The following NXPH1 variants were observed in gnomAD, a reference collection of about 807,000 sequenced individuals.
NXPH1 encodes neurexophilin 1, also known as neurexophilin-1.
Under a neutral mutation model 23.7 loss-of-function variants are expected in NXPH1, and 5 were observed. That is an observed-to-expected ratio of 0.21 (90% CI 0.11 to 0.44). NXPH1 has a LOEUF of 0.44. NXPH1 is among the 20% of genes least tolerant of loss of function. NXPH1 has a pLI of 0.99. For missense variants in NXPH1, 324 were observed against 321.6 expected (o/e 1.01, Z -0.06); for synonymous variants, 144 against 122.2 (o/e 1.18, Z -1.18).
At chr7:8,657,023 G>A (rs1420433977) in intron 2 of NXPH1, among the ~76,000 whole-genome samples, 2 of 152,120 alleles carry the variant, frequency 1.3e-5, no homozygotes, top group Non-Finnish European at 2.9e-5. Context: ...CACAGCTGGT[G>A]GATCTTTGAT....
intron 2 of NXPH1, among the ~76,000 whole-genome samples, chr7:8,574,701 A>G (rs1264039717): frequency 2.0e-5 from 3 of 152,138 alleles, no homozygotes; most frequent in Non-Finnish European, 4.4e-5. Flanking sequence ...CTGTGTTTCA[A>G]ATTCAACTTG....
intron 2 of NXPH1, among the ~76,000 whole-genome samples, chr7:8,645,289 A>C (rs746564673): frequency 6.6e-6 from 1 of 152,104 alleles, no homozygotes; most frequent in Non-Finnish European, 1.5e-5. Context: ...CACAAGTTCT[A>C]TGTCAAAGTT....
intron 2 of NXPH1, among the ~76,000 whole-genome samples, chr7:8,448,293 A>G (rs932676834): frequency 3.3e-5 from 5 of 152,242 alleles, no homozygotes; most frequent in Admixed American, 3.3e-4. Context: ...ATGAACTAAC[A>G]AAGAAAAAAG....
chr7:8,445,734 G>A (rs556964151), intron 2 of NXPH1, among the ~76,000 whole-genome samples: 25 of 152,310 alleles, frequency 1.6e-4, no homozygotes, highest in African/African-American at 6.0e-4. Context: ...CCTCTTTAGA[G>A]GATTCCATGG....
At chr7:8,583,866 C>T (rs1412277103) in intron 2 of NXPH1, among the ~76,000 whole-genome samples, 4 of 151,864 alleles carry the variant, frequency 2.6e-5, no homozygotes, top group South Asian at 2.1e-4. Flanking sequence ...TGCTACAGCC[C>T]GGTCATGGAG....
intron 2 of NXPH1, among the ~76,000 whole-genome samples, chr7:8,487,478 C>A (rs112897032): frequency 1.3e-5 from 2 of 152,142 alleles, no homozygotes; most frequent in Non-Finnish European, 2.9e-5. Context: ...ATCAATTAAA[C>A]CCCTTTCCTT....
chr7:8,688,227 A>G (rs1397831028), intron 2 of NXPH1, among the ~76,000 whole-genome samples: 1 of 152,134 alleles, frequency 6.6e-6, no homozygotes, highest in Non-Finnish European at 1.5e-5. Context: ...TGATGTAGGT[A>G]AGACTCATTA....
intron 2 of NXPH1, among the ~76,000 whole-genome samples, chr7:8,743,976 G>A (rs1241457832): frequency 3.9e-5 from 6 of 152,084 alleles, no homozygotes; most frequent in African/African-American, 1.4e-4. Context: ...GAGCCACCGC[G>A]CCCTGCCAAA....
At chr7:8,483,709 G>C (rs1419393498) in intron 2 of NXPH1, among the ~76,000 whole-genome samples, 1 of 152,182 alleles carries the variant, frequency 6.6e-6, no homozygotes, top group Non-Finnish European at 1.5e-5. Context: ...AGGCCTGCCT[G>C]TTTGACCTCT....
At chr7:8,530,947 G>A (rs1817941060) in intron 2 of NXPH1, among the ~76,000 whole-genome samples, 1 of 152,154 alleles carries the variant, frequency 6.6e-6, no homozygotes, top group Non-Finnish European at 1.5e-5. Flanking sequence ...ATTCTGGGAT[G>A]TACATTATCT....
At chr7:8,540,681 T>TTCAATTTCAC (rs1818101884) in intron 2 of NXPH1, among the ~76,000 whole-genome samples, 1 of 151,778 alleles carries the variant, frequency 6.6e-6, no homozygotes, top group African/African-American at 2.4e-5. Flanking sequence ...AGTGGAATAA[T>TTCAATTTCAC]AATTACCATG....
intron 2 of NXPH1, among the ~76,000 whole-genome samples, chr7:8,512,786 T>A (rs1817631928): frequency 6.6e-6 from 1 of 152,134 alleles, no homozygotes; most frequent in East Asian, 1.9e-4. Context: ...TTCTATCTGC[T>A]TATGCATGTG....
Position 8,710,951 on chromosome 7 carries a change from C to T in NXPH1, c.55-40057C>T, listed in dbSNP as rs556873520. ...TGCTGGGACTACAGGCGTGAGCCAC[C>T]GCGCCCGGCCGTTACGGTTTTATGA... is the stretch of plus-strand genomic sequence containing the variant. On this transcript the variant is annotated intron_variant, in intron 2 of 2. Transcript: ENST00000405863. Among the ~76,000 whole-genome samples, 85 of 115,040 alleles carry T rather than the reference C, an allele frequency of 7.4e-4. 5 individuals carry two copies. The highest frequency in any genetic ancestry group is 1.1e-3 in the Non-Finnish European group (67 of 60,946). The allele number at this position is 115,040 out of a possible 152,430, so 75.5% of individuals were successfully genotyped here.
intron 2 of NXPH1, among the ~76,000 whole-genome samples, chr7:8,618,629 T>C (rs1562429385): frequency 6.6e-6 from 1 of 152,126 alleles, no homozygotes; most frequent in African/African-American, 2.4e-5. Flanking sequence ...ACTTGCAAAC[T>C]AGGAGAAGAG....
At chr7:8,568,901 T>C (rs1038145295) in intron 2 of NXPH1, among the ~76,000 whole-genome samples, 9 of 151,828 alleles carry the variant, frequency 5.9e-5, no homozygotes, top group African/African-American at 2.2e-4. Context: ...TACTGAGCAA[T>C]GCAACAGGGA....
chr7:8,734,725 G>T (rs1046854712), intron 2 of NXPH1, among the ~76,000 whole-genome samples: 15 of 152,168 alleles, frequency 9.9e-5, no homozygotes, highest in African/African-American at 3.6e-4. Context: ...GTCCAGAGCT[G>T]AGTTCAAGTC....
intron 2 of NXPH1, among the ~76,000 whole-genome samples, chr7:8,557,118 G>A (rs1039436713): frequency 2.6e-5 from 4 of 151,618 alleles, no homozygotes; most frequent in African/African-American, 9.7e-5. Context: ...AAATACCAGT[G>A]GTCACTTGTC....
At chr7:8,515,101 G>A (rs896991111) in intron 2 of NXPH1, among the ~76,000 whole-genome samples, 1 of 152,122 alleles carries the variant, frequency 6.6e-6, no homozygotes, top group Non-Finnish European at 1.5e-5. Flanking sequence ...CTAAGAAAGA[G>A]AGATTATAGT....
intron 2 of NXPH1, among the ~76,000 whole-genome samples, chr7:8,484,082 A>G (rs556756146): frequency 6.6e-6 from 1 of 151,746 alleles, no homozygotes; most frequent in South Asian, 2.1e-4. Context: ...CTCTGCATGC[A>G]ACAAACCAAC....
Sources: allele counts gnomAD v4.1 joint callset (sites outside exome capture counted in the v4.1 genomes callset), GRCh38; gene constraint gnomAD v4.1.1; transcripts MANE v1.5; gene names NCBI Gene and HGNC (gene_info 2026-07-23, HGNC 2026-07-21).